The following SGCZ variants were observed in gnomAD, a reference collection of about 807,000 sequenced individuals.
SGCZ encodes the protein sarcoglycan zeta, also known as zeta-sarcoglycan.
In SGCZ, 40 loss-of-function variants were observed where a neutral mutation model predicts 41.3. The observed-to-expected ratio is 0.97, with a 90% CI of 0.75 to 1.26. The LOEUF (loss-of-function observed/expected upper bound fraction) is 1.26, where lower values mean the gene tolerates loss of function less well. Among genes scored for constraint, SGCZ ranks in the 50% most tolerant of loss-of-function variants. The pLI is 0.00. For missense variants in SGCZ, 552 were observed against 369.8 expected, an observed-to-expected ratio of 1.49 and a Z score of -4.04; for synonymous variants, 206 against 137.5, an observed-to-expected ratio of 1.50 and a Z score of -3.49.
intron 1 of SGCZ, among the ~76,000 whole-genome samples, chr8:15,186,331 G>GTCCAAAC (rs1467052854): frequency 1.1e-5 from 1 of 92,564 alleles, no homozygotes; most frequent in Non-Finnish European, 2.3e-5. Flanking sequence ...GTAGTCCAAA[G>GTCCAAAC]AGAAATAGTC....
intron 1 of SGCZ, among the ~76,000 whole-genome samples, chr8:15,110,318 C>T (rs1176358353): frequency 6.6e-6 from 1 of 152,172 alleles, no homozygotes; most frequent in East Asian, 1.9e-4. Flanking sequence ...TAAAGAGATA[C>T]ATTCGGCTCT....
chr8:15,205,621 T>A (rs914033306), intron 1 of SGCZ, among the ~76,000 whole-genome samples: 1 of 152,052 alleles, frequency 6.6e-6, no homozygotes, highest in Non-Finnish European at 1.5e-5. Flanking sequence ...CTGGTGAGGC[T>A]GTGGAGAAAA....
chr8:14,897,409 G>A (rs1216742719), intron 1 of SGCZ, among the ~76,000 whole-genome samples: 2 of 152,114 alleles, frequency 1.3e-5, no homozygotes, highest in African/African-American at 4.8e-5. Context: ...GTAACGTTTA[G>A]CCCTTCCTCT....
intron 1 of SGCZ, among the ~76,000 whole-genome samples, chr8:14,635,089 T>C (rs1169789054): frequency 4.6e-5 from 7 of 151,754 alleles, no homozygotes; most frequent in South Asian, 2.1e-4. Flanking sequence ...AGAAATTTTA[T>C]CTTTAAGGCT....
At chr8:14,562,035 T>C (rs1254988561) in intron 1 of SGCZ, among the ~76,000 whole-genome samples, 2 of 152,124 alleles carry the variant, frequency 1.3e-5, no homozygotes, top group Non-Finnish European at 2.9e-5. Context: ...GGTTCATCAC[T>C]AATAATCGAG....
chr8:14,222,257 G>A (rs534771438), intron 4 of SGCZ, among the ~76,000 whole-genome samples: 6 of 151,834 alleles, frequency 4.0e-5, no homozygotes, highest in Non-Finnish European at 7.4e-5. Flanking sequence ...TGCAAACTCC[G>A]CCTCCCGGGT....
intron 2 of SGCZ, among the ~76,000 whole-genome samples, chr8:14,380,792 G>A (rs1804332813): frequency 6.6e-6 from 1 of 152,158 alleles, no homozygotes; most frequent in African/African-American, 2.4e-5. Flanking sequence ...CCAGGAGGCG[G>A]AGCTTGCAGT....
chr8:14,807,791 G>T (rs535591690), intron 1 of SGCZ, among the ~76,000 whole-genome samples: 1 of 152,086 alleles, frequency 6.6e-6, no homozygotes, highest in African/African-American at 2.4e-5. Context: ...TAAGCCAAAA[G>T]AACAAAGCTG....
intron 1 of SGCZ, chr8:14,879,731 G>A (rs868601724): frequency 6.6e-6 from 1 of 151,520 alleles, no homozygotes; most frequent in African/African-American, 2.4e-5. Flanking sequence ...CTATGCACAT[G>A]AGATGTCCTT....
At chr8:14,416,209 C>T (rs1466547766) in intron 2 of SGCZ, among the ~76,000 whole-genome samples, 1 of 151,896 alleles carries the variant, frequency 6.6e-6, no homozygotes, top group East Asian at 1.9e-4. Flanking sequence ...GAAACACATT[C>T]TTGCCAGAAG....
intron 1 of SGCZ, among the ~76,000 whole-genome samples, chr8:14,558,614 A>AGAGAGAGAGAGAGAGAG (rs1214772308): frequency 6.1e-5 from 3 of 49,304 alleles, no homozygotes; most frequent in Non-Finnish European, 1.4e-4. Context: ...GAGAGAGAGA[A>AGAGAGAGAGAGAGAGAG]TCTTCCATAA....
At chr8:15,159,055 G>T (rs1028861090) in intron 1 of SGCZ, among the ~76,000 whole-genome samples, 1 of 152,162 alleles carries the variant, frequency 6.6e-6, no homozygotes, top group African/African-American at 2.4e-5. Context: ...CTGGTCACCT[G>T]AAAGACCAGA....
chr8:14,341,954 T>C (rs1414942584), intron 2 of SGCZ, among the ~76,000 whole-genome samples: 1 of 152,188 alleles, frequency 6.6e-6, no homozygotes, highest in Admixed American at 6.5e-5. Context: ...AGTAAATTTG[T>C]ACCAGTAGAA....
intron 4 of SGCZ, among the ~76,000 whole-genome samples, chr8:14,196,754 C>T (rs1252325531): frequency 3.3e-5 from 5 of 151,970 alleles, no homozygotes; most frequent in African/African-American, 1.2e-4. Flanking sequence ...ACCTTAGAAG[C>T]ATGCTACGTG....
chr8:14,545,372 TAAGAC>T (rs1287919062), intron 2 of SGCZ, among the ~76,000 whole-genome samples: 1 of 151,246 alleles, frequency 6.6e-6, no homozygotes, highest in Non-Finnish European at 1.5e-5. Flanking sequence ...AAACAACAAA[TAAGAC>T]AATATTTCAA....
At chr8:14,095,431 C>T (rs1801813021) in intron 7 of SGCZ, among the ~76,000 whole-genome samples, 1 of 151,940 alleles carries the variant, frequency 6.6e-6, no homozygotes, top group African/African-American at 2.4e-5. Flanking sequence ...TTCAGATGGT[C>T]GTAGATGTAT....
intron 5 of SGCZ, among the ~76,000 whole-genome samples, chr8:14,124,284 C>T (rs1802785480): frequency 1.3e-5 from 2 of 152,108 alleles, no homozygotes. Flanking sequence ...CTCCCTCTTT[C>T]TCCTCTCTCT....
intron 1 of SGCZ, among the ~76,000 whole-genome samples, chr8:15,236,131 G>A (rs1013861455): frequency 1.3e-5 from 2 of 152,196 alleles, no homozygotes; most frequent in Admixed American, 6.5e-5. Context: ...AGGGAACTCA[G>A]TCTTCGGTGG....
At chr8:15,186,867 T>C (rs1800363731) in intron 1 of SGCZ, among the ~76,000 whole-genome samples, 2 of 152,310 alleles carry the variant, frequency 1.3e-5, no homozygotes, top group South Asian at 4.1e-4. Context: ...TTTTAAGCAT[T>C]TAAGCAGATC....
Sources: gnomAD v4.1 joint callset for allele counts (sites outside exome capture counted in the v4.1 genomes callset) on GRCh38, gnomAD v4.1.1 for gene constraint, MANE v1.5 for transcripts, NCBI Gene and HGNC (gene_info 2026-07-23, HGNC 2026-07-21) for gene names.